RARB: variants seen among roughly 807,000 people sequenced by gnomAD.
RARB encodes the protein retinoic acid receptor beta, also known as HBV-activated protein.
Under a neutral mutation model 51.9 loss-of-function variants are expected in RARB, and 17 were observed. That is an observed-to-expected ratio of 0.33 (90% CI 0.22 to 0.49). RARB has a LOEUF of 0.49. Ranked by LOEUF, RARB falls within the 20% of genes least tolerant of loss-of-function variation. The pLI, the probability that RARB is intolerant of heterozygous loss-of-function variation, is 0.99. For synonymous variants in RARB, 215 were observed against 195.4 expected (o/e 1.10, Z -0.84); for missense variants, 369 against 550.8 (o/e 0.67, Z 3.30).
intron 5 of RARB, among the ~76,000 whole-genome samples, chr3:25,224,747 A>G (rs73042365): frequency 0.084 from 12,790 of 152,040 alleles, 703 homozygotes; most frequent in Non-Finnish European, 0.13. Context: ...AGATGAGACT[A>G]CAGGTGTGCC....
chr3:25,486,835 G>T (rs1268413265), intron 2 of RARB, among the ~76,000 whole-genome samples: 2 of 152,130 alleles, frequency 1.3e-5, no homozygotes, highest in Non-Finnish European at 2.9e-5. Flanking sequence ...ATGAATCCTT[G>T]TATCCCTCTG....
At chr3:25,418,926 A>T (rs538530846) in intron 5 of RARB, among the ~76,000 whole-genome samples, 230 of 151,364 alleles carry the variant, frequency 1.5e-3, no homozygotes, top group African/African-American at 5.5e-3. Flanking sequence ...AGGCCACAAT[A>T]ACAAAAGACA....
chr3:25,576,496 T>C (rs1266306368), intron 4 of RARB, among the ~76,000 whole-genome samples: 1 of 152,096 alleles, frequency 6.6e-6, no homozygotes, highest in African/African-American at 2.4e-5. Context: ...GCCCCAGATC[T>C]CTGAACCCCA....
intron 2 of RARB, among the ~76,000 whole-genome samples, chr3:25,480,739 T>C (rs1696185771): frequency 6.6e-6 from 1 of 152,156 alleles, no homozygotes; most frequent in Non-Finnish European, 1.5e-5. Flanking sequence ...AGGTGCTTTA[T>C]TGGGAGGGCA....
At chr3:25,071,326 C>T (rs1199195374) in intron 3 of RARB, among the ~76,000 whole-genome samples, 1 of 152,144 alleles carries the variant, frequency 6.6e-6, no homozygotes, top group Admixed American at 6.5e-5. Context: ...GTTACTTTGG[C>T]TGTAAAATTT....
chr3:25,014,060 G>T (rs979436424), intron 2 of RARB, among the ~76,000 whole-genome samples: 2 of 152,092 alleles, frequency 1.3e-5, no homozygotes, highest in African/African-American at 2.4e-5. Flanking sequence ...ATGAGAGCCA[G>T]AAACTCAAAA....
At chr3:24,979,602 T>C (rs946047929) in intron 2 of RARB, among the ~76,000 whole-genome samples, 2 of 151,488 alleles carry the variant, frequency 1.3e-5, no homozygotes. Context: ...TGTTTTTTGT[T>C]TTTTTTTGCT....
intron 2 of RARB, chr3:25,020,103 TCTATTATTATTATTA>T (rs1197360577): frequency 1.5e-5 from 2 of 137,650 alleles, no homozygotes; most frequent in South Asian, 2.3e-4. Flanking sequence ...ACTCAAGTTC[TCTATTATTATTATTA>T]TTATTATTAT....
At chr3:25,179,878 T>A (rs970889938) in intron 5 of RARB, among the ~76,000 whole-genome samples, 2 of 152,174 alleles carry the variant, frequency 1.3e-5, no homozygotes, top group African/African-American at 2.4e-5. Context: ...TATTAAGTAA[T>A]CACATTGCCA....
intron 3 of RARB, among the ~76,000 whole-genome samples, chr3:25,062,931 T>C (rs1698579500): frequency 6.6e-6 from 1 of 151,978 alleles, no homozygotes; most frequent in East Asian, 1.9e-4. Flanking sequence ...GTGAATCATG[T>C]CTCAAAGGTT....
intron 5 of RARB, among the ~76,000 whole-genome samples, chr3:25,418,495 A>G (rs1575386521): frequency 6.6e-6 from 1 of 152,166 alleles, no homozygotes; most frequent in East Asian, 1.9e-4. Context: ...GAATTTACCT[A>G]ACCCGACCCA....
At chr3:24,860,330 C>T (rs1702726295) in intron 2 of RARB, among the ~76,000 whole-genome samples, 1 of 152,196 alleles carries the variant, frequency 6.6e-6, no homozygotes, top group Non-Finnish European at 1.5e-5. Flanking sequence ...CAACCTTTCT[C>T]ACCTCCTCTC....
At chr3:25,557,654 T>G (rs1256578013) in intron 3 of RARB, among the ~76,000 whole-genome samples, 2 of 152,150 alleles carry the variant, frequency 1.3e-5, no homozygotes, top group Non-Finnish European at 2.9e-5. Flanking sequence ...AGTCCCTCCC[T>G]GGTTTAGACA....
chr3:25,341,651 A>G (rs1489342476), intron 5 of RARB, among the ~76,000 whole-genome samples: 2 of 152,096 alleles, frequency 1.3e-5, no homozygotes, highest in Non-Finnish European at 2.9e-5. Context: ...TTTTGCCCCC[A>G]GGGATATTTG....
intron 5 of RARB, among the ~76,000 whole-genome samples, chr3:25,333,595 A>G (rs1225563807): frequency 6.6e-6 from 1 of 152,214 alleles, no homozygotes; most frequent in African/African-American, 2.4e-5. Context: ...CCTAGGCAAT[A>G]CCATTCAGGA....
chr3:25,082,335 CCTTTT>C (rs1029420079), intron 3 of RARB, among the ~76,000 whole-genome samples: 2 of 151,836 alleles, frequency 1.3e-5, no homozygotes, highest in Non-Finnish European at 2.9e-5. Context: ...AACTATTCTT[CCTTTT>C]CTTTTGCCTT....
intron 1 of RARB, among the ~76,000 whole-genome samples, chr3:24,840,079 T>C (rs892090634): frequency 1.3e-5 from 2 of 152,102 alleles, no homozygotes; most frequent in Non-Finnish European, 2.9e-5. Context: ...CTTTTCTGAG[T>C]GTAGGTTTTC....
At chr3:25,368,067 T>A (rs1183971702) in intron 5 of RARB, among the ~76,000 whole-genome samples, 2 of 152,350 alleles carry the variant, frequency 1.3e-5, no homozygotes, top group African/African-American at 2.4e-5. Context: ...CTTTCCTTTA[T>A]TCTAAGAATA....
At chr3:25,088,768 A>G (rs1432491778) in intron 3 of RARB, among the ~76,000 whole-genome samples, 1 of 152,168 alleles carries the variant, frequency 6.6e-6, no homozygotes, top group African/African-American at 2.4e-5. Flanking sequence ...TGACATTAGT[A>G]TTTCAAGTTA....
Sources: allele counts gnomAD v4.1 joint callset (sites outside exome capture counted in the v4.1 genomes callset), GRCh38; gene constraint gnomAD v4.1.1; transcripts MANE v1.5; gene names NCBI Gene and HGNC (gene_info 2026-07-23, HGNC 2026-07-21).